Variants in MICALL1 observed in about 807,000 individuals in gnomAD.
The protein encoded by MICALL1 is MICAL like 1.
MICALL1 carries 61 observed loss-of-function variants against 83.7 expected under a neutral mutation model. That is an observed-to-expected ratio of 0.73 (90% confidence interval 0.59 to 0.90). The LOEUF (loss-of-function observed/expected upper bound fraction) is 0.90, where lower values mean the gene tolerates loss of function less well. Ranked by LOEUF, MICALL1 falls within the 40% of genes least tolerant of loss-of-function variation. MICALL1 has a pLI of 0.00. For missense variants in MICALL1, 1,066 were observed against 1,152.0 expected (o/e 0.93, Z 1.08); for synonymous variants, 481 against 473.6 (o/e 1.02, Z -0.20).
At chr22:37,927,375 T>TC in intron 8 of MICALL1, 36 bp from the exon 9 acceptor site, 5 of 1,520,444 alleles carry the variant, frequency 3.3e-6, no homozygotes, top group Non-Finnish European at 4.4e-6. Flanking sequence ...CTTGTGGTGC[T>TC]CCCCTTGTGA....
At chr22:37,927,098 G>A in intron 8 of MICALL1, 1 of 384,620 alleles carries the variant, frequency 2.6e-6, no homozygotes, top group Non-Finnish European at 4.7e-6. Context: ...CAGAGGAGGG[G>A]CCACCTCTCT....
intron 8 of MICALL1, 159 bp from the exon 9 acceptor site, chr22:37,927,252 C>G: frequency 1.2e-6 from 1 of 828,566 alleles, no homozygotes; most frequent in East Asian, 2.7e-5. Flanking sequence ...TTCCGTCCTG[C>G]CGGGCGTTTG....
intron 15 of MICALL1, among the ~76,000 whole-genome samples, chr22:37,938,005 G>A (rs1930230892): frequency 1.3e-5 from 2 of 152,296 alleles, no homozygotes; most frequent in South Asian, 2.1e-4. Context: ...GAGGGTAGCC[G>A]TGGGATGCCC....
In MICALL1 at chr22:37,922,407, C is replaced by A; in HGVS notation, c.1005C>A (p.Gly335=). The change falls in exon 6 of 16, where the codon GGC becomes GGA. Residue 335 remains glycine (G), a synonymous_variant. Transcript: ENST00000215957. ...AGGAGAACCTGGTGGAGCAGGCTGG[C>A]AGCAGCAGCCTGGTGAACGGTGAGC... ...LQQENLVEQA[G]SSSLVNGRLH... 6.5e-7 allele frequency: 1 copy of A among 1,531,422 alleles called. No homozygotes were observed. 94.9% of individuals were successfully genotyped at this position (1,531,422 alleles called of 1,614,324 possible).
chr22:37,922,078 CGGTCGG>C lies in MICALL1; in HGVS notation c.679_684del (p.Ser227_Gly228del). 1 of 1,613,374 alleles carries C rather than the reference CGGTCGG, an allele frequency of 6.2e-7. No homozygotes were observed. The highest frequency in any genetic ancestry group is 1.1e-5 in the South Asian group (1 of 91,082). On this transcript the variant is annotated inframe_deletion, in exon 6 of 16. Transcript: ENST00000215957. ...CTGTGCCAGGCTGGGCCCGGGGACA[CGGTCGG>C]GGACCAGGCCTGGGCCCTTCTCACA...
chr22:37,931,116 C>G (rs1929762632), intron 9 of MICALL1, among the ~76,000 whole-genome samples: 1 of 152,004 alleles, frequency 6.6e-6, no homozygotes, highest in Non-Finnish European at 1.5e-5. Context: ...GGCCCTGAAA[C>G]AGACAGATTC....
At position 37,922,071 on chromosome 22, in the gene MICALL1, G is replaced by C; in HGVS notation, c.669G>C (p.Pro223=). 1 of 1,613,388 alleles carries C rather than the reference G, an allele frequency of 6.2e-7. No individual in the cohort carries two copies. The highest frequency in any genetic ancestry group is 8.5e-7 in the Non-Finnish European group (1 of 1,179,988). Residue 223 remains proline, a synonymous_variant, in exon 6 of 16, where the codon CCG becomes CCC. Transcript: ENST00000215957. ...VCAEHCARLG[P]GTRSGTRPGP... is the part of the protein sequence containing the mutation. Reference sequence around the variant, plus strand: ...CAGAACACTGTGCCAGGCTGGGCCCGGGGACACGGTCGGGGACCAGGCCTG... The same window carrying C: ...CAGAACACTGTGCCAGGCTGGGCCCCGGGACACGGTCGGGGACCAGGCCTG...
intron 3 of MICALL1, 131 bp downstream of exon 3, chr22:37,912,623 T>A: frequency 1.2e-6 from 1 of 815,944 alleles, no homozygotes; most frequent in Non-Finnish European, 1.8e-6. Context: ...ACTTATTCAT[T>A]AATTCACTCA....
intron 1 of MICALL1, among the ~76,000 whole-genome samples, chr22:37,908,244 C>T (rs1371301899): frequency 6.6e-6 from 1 of 151,610 alleles, no homozygotes; most frequent in Admixed American, 6.6e-5. Context: ...CATGAGATAA[C>T]AAGCATTCAT....
intron 1 of MICALL1, among the ~76,000 whole-genome samples, chr22:37,911,399 T>C (rs1339526545): frequency 6.6e-6 from 1 of 152,232 alleles, no homozygotes; most frequent in Non-Finnish European, 1.5e-5. Context: ...GTGACACACC[T>C]GCAGGGGCCT....
chr22:37,920,418 G>A (rs1928953455), intron 5 of MICALL1, among the ~76,000 whole-genome samples: 1 of 151,924 alleles, frequency 6.6e-6, no homozygotes, highest in Non-Finnish European at 1.5e-5. Context: ...AAAATCTCGA[G>A]GAGGAAACAG....
intron 4 of MICALL1, 152 bp from the exon 5 acceptor site, chr22:37,918,884 T>G: frequency 1.0e-6 from 1 of 973,052 alleles, no homozygotes; most frequent in Non-Finnish European, 1.4e-6. Flanking sequence ...CCTCTGCCCC[T>G]CCTGGGGCCC....
At position 37,922,278 on chromosome 22, in the gene MICALL1, G is replaced by C; in HGVS notation, c.876G>C (p.Glu292Asp). The C allele has an allele frequency of 6.4e-7, 1 of 1,572,106 alleles. No homozygotes were observed. The highest frequency in any genetic ancestry group is 2.3e-5 in the East Asian group (1 of 42,820). Reference sequence around the variant, plus strand: ...CCCGGGTTCCTGGCAAACTACAGGAGCTGGCCAGCCCCCCTGCGGGCCGCC... The same window carrying C: ...CCCGGGTTCCTGGCAAACTACAGGACCTGGCCAGCCCCCCTGCGGGCCGCC... Reference protein sequence around the residue: ...TKPRVPGKLQELASPPAGRPT... With the variant: ...TKPRVPGKLQDLASPPAGRPT... The change falls in exon 6 of 16, where the codon GAG becomes GAC. Residue 292 changes from glutamate (E) to aspartate (D), a missense_variant. Transcript: ENST00000215957.
rs777238610 is a variant in MICALL1 at position 37,927,405 on chromosome 22, G to A, written c.1466-6G>A. 3.7e-5 allele frequency: 58 copies of A among 1,568,446 alleles called. No individual in the cohort carries two copies. The highest frequency in any genetic ancestry group is 4.7e-5 in the Non-Finnish European group (54 of 1,158,174). On this transcript the variant is annotated splice_region_variant and splice_polypyrimidine_tract_variant and intron_variant, in intron 8 of 15. Transcript: ENST00000215957. ...TTGTGAGGTGTCCTGGTGCTCGTCC[G>A]CACAGCTCTCCACGCCTCCCGCCTC... is the stretch of plus-strand genomic sequence containing the variant.
intron 1 of MICALL1, among the ~76,000 whole-genome samples, chr22:37,910,134 T>A (rs1928227183): frequency 6.6e-6 from 1 of 152,250 alleles, no homozygotes; most frequent in Non-Finnish European, 1.5e-5. Flanking sequence ...AGAAAATATA[T>A]GTGTTACCAA....
intron 3 of MICALL1, among the ~76,000 whole-genome samples, chr22:37,916,930 C>T (rs1928712933): frequency 6.6e-6 from 1 of 152,126 alleles, no homozygotes; most frequent in Admixed American, 6.5e-5. Context: ...GTGGCGCGAT[C>T]TCAACTCACT....
chr22:37,922,297 G>T lies in MICALL1; in HGVS notation c.895G>T (p.Gly299Cys). 3.2e-6 allele frequency: 5 copies of T among 1,550,366 alleles called. No individual in the cohort carries two copies. The highest frequency in any genetic ancestry group is 4.4e-6 in the Non-Finnish European group (5 of 1,148,424). ...ACAGGAGCTGGCCAGCCCCCCTGCGGGCCGCCCCACCCCTGCCCCCAGGAA... is the reference window on the plus strand; with the variant it reads ...ACAGGAGCTGGCCAGCCCCCCTGCGTGCCGCCCCACCCCTGCCCCCAGGAA... Reference protein sequence around the residue: ...KLQELASPPAGRPTPAPRKAS... With the variant: ...KLQELASPPACRPTPAPRKAS... Residue 299 changes from glycine (G) to cysteine (C), a missense_variant, in exon 6 of 16, where the codon GGC (glycine) becomes TGC (cysteine). Transcript: ENST00000215957.
intron 15 of MICALL1, 105 bp from the exon 16 acceptor site, chr22:37,940,604 G>T: frequency 1.4e-6 from 2 of 1,423,382 alleles, no homozygotes; most frequent in South Asian, 2.6e-5. Context: ...GTGGGGCTGG[G>T]CTGAGCCCTG....
chr22:37,926,452 C>T, intron 8 of MICALL1: 1 of 187,516 alleles, frequency 5.3e-6, no homozygotes. Flanking sequence ...GCTGCAGTTC[C>T]TGAGCGACCT....
Sources: allele counts gnomAD v4.1 joint callset (sites outside exome capture counted in the v4.1 genomes callset), GRCh38; gene constraint gnomAD v4.1.1; transcripts MANE v1.5; gene names NCBI Gene and HGNC (gene_info 2026-07-23, HGNC 2026-07-21).